The following CCDC7 variants were observed in gnomAD, a reference collection of about 807,000 sequenced individuals.
CCDC7 encodes the protein coiled-coil domain containing 7, also known as coiled-coil domain-containing protein 7.
In CCDC7, 183 loss-of-function variants were observed where a neutral mutation model predicts 196.9. That is an observed-to-expected ratio of 0.93 (90% CI 0.82 to 1.05). The LOEUF (loss-of-function observed/expected upper bound fraction) is 1.05, where lower values mean the gene tolerates loss of function less well. Ranked by LOEUF, CCDC7 falls within the 50% of genes least tolerant of loss-of-function variation. The pLI is 0.00. For synonymous variants in CCDC7, 525 were observed against 484.6 expected, an observed-to-expected ratio of 1.08 and a Z score of -1.10; for missense variants, 1,540 against 1,482.2, an observed-to-expected ratio of 1.04 and a Z score of -0.64.
At chr10:32,583,234 G>T in exon 17 of CCDC7, 1 of 1,231,298 alleles carries the variant, frequency 8.1e-7, no homozygotes, top group East Asian at 3.2e-5. Context: ...CTGTCTGTTG[G>T]AACATTGGCT....
At chr10:32,500,262 C>A in intron 9 of CCDC7, among the ~76,000 whole-genome samples, 1 of 151,118 alleles carries the variant, frequency 6.6e-6, no homozygotes, top group Non-Finnish European at 1.5e-5. Context: ...GGGCGGCTGC[C>A]CGGTGGAGAC....
intron 16 of CCDC7, among the ~76,000 whole-genome samples, chr10:32,576,589 C>T (rs887028495): frequency 1.4e-5 from 2 of 140,564 alleles, no homozygotes; most frequent in Non-Finnish European, 3.1e-5. Context: ...ATCACTTTGT[C>T]CCCTAGGCTG....
chr10:32,834,672 T>TTA (rs1555184136), intron 32 of CCDC7, 143 bp from the exon 34 acceptor site: 4 of 348,180 alleles, frequency 1.1e-5, no homozygotes, highest in Non-Finnish European at 2.1e-5. Flanking sequence ...TTTTTTTTTT[T>TTA]ACTAATTCAT....
chr10:32,495,345 G>T (rs1052983851), intron 9 of CCDC7, among the ~76,000 whole-genome samples: 1 of 152,128 alleles, frequency 6.6e-6, no homozygotes, highest in Non-Finnish European at 1.5e-5. Context: ...TAGGTTACCT[G>T]TTCAGCCTAA....
In CCDC7 at chr10:32,518,453, C is replaced by T. The variant is rs369248205; in HGVS notation, c.941C>T (p.Ser314Leu). 78 of 1,604,532 alleles carry T rather than the reference C, an allele frequency of 4.9e-5. No individual in the cohort carries two copies. The East Asian group carries it at 1.6e-3, about 33-fold the overall frequency. ...ATGCAGTGTGATTTTCAGTTGTTATCAGAAGAGAAGTTGGTGCTGGAAAAT... is the reference window on the plus strand; with the variant it reads ...ATGCAGTGTGATTTTCAGTTGTTATTAGAAGAGAAGTTGGTGCTGGAAAAT... Residue 314 changes from serine (S) to leucine (L), a missense_variant, in exon 11 of 42, where the codon TCA becomes TTA. Ser to Leu is a moderately radical substitution (Grantham distance 145). Coordinates refer to ENST00000639629, the Ensembl canonical transcript of CCDC7.
chr10:32,833,739 T>G (rs2135945646), intron 32 of CCDC7, among the ~76,000 whole-genome samples: 1 of 152,272 alleles, frequency 6.6e-6, no homozygotes, highest in South Asian at 2.1e-4. Context: ...TCTTTTCATT[T>G]TGGAGATAAT....
At chr10:32,455,279 ATATTTATTTATTTATTTATT>A (rs72086158) in intron 2 of CCDC7, among the ~76,000 whole-genome samples, 3 of 146,880 alleles carry the variant, frequency 2.0e-5, no homozygotes, top group Admixed American at 1.4e-4. Flanking sequence ...GCCTCTCAGC[ATATTTATTTATTTATTTATT>A]TATTTATTTA....
intron 5 of CCDC7, among the ~76,000 whole-genome samples, chr10:32,464,372 C>T (rs184091402): frequency 3.5e-4 from 53 of 152,276 alleles, no homozygotes; most frequent in African/African-American, 1.1e-3. Context: ...ACAATATTAA[C>T]GTCTGTACTC....
intron 33 of CCDC7, among the ~76,000 whole-genome samples, chr10:32,840,377 T>C (rs2136079820): frequency 6.6e-6 from 1 of 152,140 alleles, no homozygotes; most frequent in African/African-American, 2.4e-5. Context: ...TGAACACATT[T>C]ACCCATATAA....
chr10:32,446,945 T>C (rs1178726726), upstream of CCDC7, among the ~76,000 whole-genome samples: 1 of 90,062 alleles, frequency 1.1e-5, no homozygotes, highest in Non-Finnish European at 2.5e-5. Context: ...CCTCTTCCCT[T>C]CCTCCCTCCC....
Position 32,533,734 on chromosome 10 carries a change from TG to T in CCDC7, c.994-9564del, listed in dbSNP as rs571603053. 7.9e-5 allele frequency among the ~76,000 whole-genome samples: 12 copies of T among 152,228 alleles called. No homozygotes were observed. The South Asian group carries it at 2.5e-3, about 32-fold the overall frequency. Reference sequence around the variant, plus strand: ...TTGAAAATCTCATTCTATTGCCTCCTGGCCTGTATTATTTTCATTGAAAAGT... The same window carrying T: ...TTGAAAATCTCATTCTATTGCCTCCTGCCTGTATTATTTTCATTGAAAAGT... On this transcript the variant is annotated intron_variant, in intron 11 of 41. Coordinates refer to ENST00000639629, the Ensembl canonical transcript of CCDC7.
chr10:32,733,415 A>AT (rs2084321626), intron 28 of CCDC7, among the ~76,000 whole-genome samples: 1 of 152,044 alleles, frequency 6.6e-6, no homozygotes, highest in East Asian at 1.9e-4. Flanking sequence ...TTAGATGGAG[A>AT]TTTTTTTAAT....
At chr10:32,849,954 G>C (rs971654539) in intron 39 of CCDC7, among the ~76,000 whole-genome samples, 1 of 152,066 alleles carries the variant, frequency 6.6e-6, no homozygotes, top group African/African-American at 2.4e-5. Flanking sequence ...AAGGCGGGGG[G>C]CACTGGCCAT....
At chr10:32,729,103 T>C in intron 27 of CCDC7, 106 bp downstream of exon 28, 1 of 905,424 alleles carries the variant, frequency 1.1e-6, no homozygotes, top group South Asian at 1.9e-5. Context: ...TCATCAACTT[T>C]TAACTTTGAC....
At chr10:32,560,721 C>T (rs1264341397) in intron 13 of CCDC7, among the ~76,000 whole-genome samples, 9 of 152,108 alleles carry the variant, frequency 5.9e-5, no homozygotes, top group African/African-American at 2.2e-4. Context: ...AAAAACATGC[C>T]AAATTGTAAA....
intron 24 of CCDC7, among the ~76,000 whole-genome samples, chr10:32,708,532 G>A (rs1236691427): frequency 6.6e-6 from 1 of 152,110 alleles, no homozygotes; most frequent in Non-Finnish European, 1.5e-5. Context: ...GAGTGAACAG[G>A]CAACCTACAG....
intron 41 of CCDC7, among the ~76,000 whole-genome samples, chr10:32,865,537 T>C (rs147913677): frequency 6.6e-6 from 1 of 151,832 alleles, no homozygotes; most frequent in African/African-American, 2.4e-5. Context: ...CTTTGAAAAA[T>C]TGTTTAGCAG....
At chr10:32,822,311 G>A (rs904345435) in intron 31 of CCDC7, among the ~76,000 whole-genome samples, 9 of 151,894 alleles carry the variant, frequency 5.9e-5, no homozygotes, top group African/African-American at 2.2e-4. Context: ...TGTATCATTG[G>A]GCATATAACA....
chr10:32,664,096 A>G (rs2072114224), exon 21 of CCDC7: 1 of 396,800 alleles, frequency 2.5e-6, no homozygotes. Flanking sequence ...CTTGAACAAG[A>G]CACAAAGTCA....
Sources: gnomAD v4.1 joint callset for allele counts (sites outside exome capture counted in the v4.1 genomes callset) on GRCh38, gnomAD v4.1.1 for gene constraint, MANE v1.5 for transcripts, NCBI Gene and HGNC (gene_info 2026-07-23, HGNC 2026-07-21) for gene names.